The following MLIP variants were observed in gnomAD, a reference collection of about 807,000 sequenced individuals.
The protein encoded by MLIP is muscular LMNA interacting protein.
A neutral mutation model predicts 84.8 loss-of-function variants in MLIP; 79 were observed. The observed-to-expected ratio is 0.93, with a 90% CI of 0.78 to 1.12. The LOEUF is 1.12. Among genes scored for constraint, MLIP ranks in the 50% most tolerant of loss-of-function variants. MLIP has a pLI of 0.00. For synonymous variants in MLIP, 504 were observed against 463.0 expected (o/e 1.09, Z -1.14); for missense variants, 1,257 against 1,160.6 (o/e 1.08, Z -1.21).
intron 12 of MLIP, among the ~76,000 whole-genome samples, chr6:54,238,310 C>T (rs1781499905): frequency 6.6e-6 from 1 of 152,060 alleles, no homozygotes; most frequent in Non-Finnish European, 1.5e-5. Context: ...CTCCATTCAC[C>T]CCTTCTCATT....
chr6:54,204,132 TAA>T (rs1184552156), intron 11 of MLIP, among the ~76,000 whole-genome samples: 1 of 152,230 alleles, frequency 6.6e-6, no homozygotes, highest in Admixed American at 6.5e-5. Flanking sequence ...CTATGATTTA[TAA>T]GTCTGATTTT....
intron 1 of MLIP, among the ~76,000 whole-genome samples, chr6:54,075,651 A>AT (rs1467272487): frequency 1.3e-5 from 2 of 152,140 alleles, no homozygotes; most frequent in African/African-American, 4.8e-5. Context: ...TCAAAGTGCT[A>AT]TTTTTTCTAA....
chr6:54,188,611 A>T (rs1039605471), intron 9 of MLIP, among the ~76,000 whole-genome samples: 3 of 152,198 alleles, frequency 2.0e-5, no homozygotes, highest in Non-Finnish European at 4.4e-5. Context: ...CCCCTGTCAT[A>T]CATGAGGTCC....
intron 1 of MLIP, among the ~76,000 whole-genome samples, chr6:54,101,204 G>A (rs1320298857): frequency 6.6e-6 from 1 of 152,050 alleles, no homozygotes; most frequent in African/African-American, 2.4e-5. Context: ...TTCTTAGAAG[G>A]TGCCTTTCTA....
At chr6:54,213,231 A>G (rs960279813) in intron 11 of MLIP, among the ~76,000 whole-genome samples, 3 of 152,236 alleles carry the variant, frequency 2.0e-5, no homozygotes, top group African/African-American at 7.2e-5. Flanking sequence ...CAAACTTTTC[A>G]CTTAAATCCC....
intron 9 of MLIP, among the ~76,000 whole-genome samples, chr6:54,171,396 CT>C (rs1775756283): frequency 6.6e-6 from 1 of 151,510 alleles, no homozygotes; most frequent in African/African-American, 2.4e-5. Flanking sequence ...TTTGTTTTCA[CT>C]TTATTTTACA....
chr6:54,228,634 G>C (rs778613722), intron 11 of MLIP, among the ~76,000 whole-genome samples: 3 of 152,188 alleles, frequency 2.0e-5, no homozygotes, highest in Non-Finnish European at 4.4e-5. Context: ...TTTTCCTCTT[G>C]ATTGGATAGA....
intron 11 of MLIP, chr6:54,216,997 T>C (rs1779899977): frequency 1.0e-6 from 1 of 985,430 alleles, no homozygotes; most frequent in Non-Finnish European, 1.2e-6. Context: ...GCAAAAATGC[T>C]ATGGCTCTGA....
chr6:54,109,073 A>T (rs1359215232), upstream of MLIP, among the ~76,000 whole-genome samples: 4 of 150,184 alleles, frequency 2.7e-5, no homozygotes, highest in Non-Finnish European at 5.9e-5. Flanking sequence ...TTATATATAT[A>T]AATCAAAACA....
chr6:54,217,786 G>A lies in MLIP; in HGVS notation c.2719-12928G>A, dbSNP rs890507522. On this transcript the variant is annotated intron_variant, in intron 11 of 13. Coordinates refer to ENST00000502396, the MANE Select transcript of MLIP (RefSeq NM_001281747.2). ...ATCTCATTGATAGAAACATGTCCAA[G>A]ACTGTTTTATGATCCCTGTACATCC... is the stretch of plus-strand genomic sequence containing the variant. 1.2e-5 allele frequency: 12 copies of A among 984,848 alleles called. No individual in the cohort carries two copies. In the African/African-American group the frequency reaches 1.9e-4, roughly 16 times the overall value. The allele number at this position is 984,848 out of a possible 1,614,324, so 61.0% of individuals were successfully genotyped here.
At chr6:54,216,336 C>T in intron 11 of MLIP, 4 of 985,312 alleles carry the variant, frequency 4.1e-6, no homozygotes, top group Non-Finnish European at 4.8e-6. Context: ...AACTGCTCCT[C>T]CATCCTAAAC....
At chr6:54,116,116 T>C (rs1475588184) in intron 1 of MLIP, among the ~76,000 whole-genome samples, 1 of 152,090 alleles carries the variant, frequency 6.6e-6, no homozygotes, top group Non-Finnish European at 1.5e-5. Flanking sequence ...GGCACTGACA[T>C]GAACTGGGTT....
At chr6:54,072,642 T>C (rs1046355406) in intron 1 of MLIP, among the ~76,000 whole-genome samples, 1 of 152,190 alleles carries the variant, frequency 6.6e-6, no homozygotes, top group Non-Finnish European at 1.5e-5. Flanking sequence ...AATAGTATTC[T>C]GGAGTTTCCC....
intron 11 of MLIP, chr6:54,216,151 C>T (rs2150756826): frequency 1.0e-6 from 1 of 984,986 alleles, no homozygotes; most frequent in Non-Finnish European, 1.2e-6. Context: ...TATCAAAGGG[C>T]TCTAAAGACT....
At chr6:54,071,958 G>T (rs1444864891) in intron 1 of MLIP, among the ~76,000 whole-genome samples, 1 of 152,154 alleles carries the variant, frequency 6.6e-6, no homozygotes, top group Non-Finnish European at 1.5e-5. Context: ...CCCCTTAACT[G>T]TTCCACAGAT....
Position 54,230,796 on chromosome 6 carries a change from A to C in MLIP, c.2801A>C (p.His934Pro). 6.2e-7 allele frequency: 1 copy of C among 1,614,080 alleles called. No individual in the cohort carries two copies. The change falls in exon 12 of 14, where the codon CAT (histidine) becomes CCT (proline). Residue 934 changes from histidine to proline, a missense_variant. By Grantham distance (77) the His-to-Pro change is moderately conservative (BLOSUM62 -2). Transcript: ENST00000502396. Reference protein sequence around the residue: ...KLYPPAKSLLHPQTLSHADCL... With the variant: ...KLYPPAKSLLPPQTLSHADCL... ...TATCCTCCTGCTAAGTCACTGCTGC[A>C]TCCACAGACCCTCTCACATGCTGAC...
chr6:54,128,214 T>C (rs1463182789), intron 3 of MLIP, among the ~76,000 whole-genome samples: 1 of 152,130 alleles, frequency 6.6e-6, no homozygotes, highest in African/African-American at 2.4e-5. Flanking sequence ...GATGCCTTGG[T>C]GGCACTATAT....
Position 54,064,913 on chromosome 6 carries a change from A to G in MLIP, c.63+45822A>G, listed in dbSNP as rs1413678519. Among the ~76,000 whole-genome samples the G allele has an allele frequency of 2.0e-5, 2 of 99,674 alleles. 1 individual carries two copies. Among genetic ancestry groups the G allele is most frequent in the African/African-American group, 5.1e-5 (2 of 39,112 alleles). 65.4% of individuals were successfully genotyped at this position (99,674 alleles called of 152,430 possible). A position where few individuals can be genotyped will look rare whatever the true frequency, so the allele number is the denominator to read the frequency against. On this transcript the variant is annotated intron_variant, in intron 1 of 12. Transcript: ENST00000274897. Reference sequence around the variant, plus strand: ...AATTTTAGTAGTTTACTTAAGTATTAGAATTCTCTTTTTAATGCTCTGGTT... The same window carrying G: ...AATTTTAGTAGTTTACTTAAGTATTGGAATTCTCTTTTTAATGCTCTGGTT...
At chr6:54,076,439 G>A (rs1027553852) in intron 1 of MLIP, among the ~76,000 whole-genome samples, 1 of 152,170 alleles carries the variant, frequency 6.6e-6, no homozygotes, top group Non-Finnish European at 1.5e-5. Context: ...TTCCACAACT[G>A]TATTGCAAAA....
Sources: allele counts gnomAD v4.1 joint callset (sites outside exome capture counted in the v4.1 genomes callset), GRCh38; gene constraint gnomAD v4.1.1; transcripts MANE v1.5; gene names NCBI Gene and HGNC (gene_info 2026-07-23, HGNC 2026-07-21).